The following PVT1 variants were observed in gnomAD, a reference collection of about 807,000 sequenced individuals.
PVT1 encodes the protein CXCR4/PVT1 fusion.
At chr8:127,990,893 C>T (rs547775045) in intron 4 of PVT1, among the ~76,000 whole-genome samples, 2 of 152,252 alleles carry the variant, frequency 1.3e-5, no homozygotes, top group South Asian at 4.2e-4. Context: ...CGGGAGGCTT[C>T]CTGGAGCAGG....
intron 2 of PVT1, among the ~76,000 whole-genome samples, chr8:127,826,680 T>C (rs985655146): frequency 3.3e-5 from 5 of 152,236 alleles, no homozygotes; most frequent in Non-Finnish European, 7.3e-5. Flanking sequence ...AAAATGGTCA[T>C]AGTGGCTGTT....
chr8:127,812,290 G>GGCAGGAAGGC (rs778096722), intron 2 of PVT1, among the ~76,000 whole-genome samples: 6 of 145,106 alleles, frequency 4.1e-5, no homozygotes, highest in East Asian at 2.0e-4. Flanking sequence ...AAGGAAGGAA[G>GGCAGGAAGGC]AGAATGAAAG....
At chr8:127,822,760 A>G (rs1337643355) in intron 2 of PVT1, among the ~76,000 whole-genome samples, 2 of 152,194 alleles carry the variant, frequency 1.3e-5, no homozygotes, top group African/African-American at 4.8e-5. Flanking sequence ...AACAGCACCT[A>G]CAGGGCTGAG....
In PVT1 at chr8:127,999,231, C is replaced by G. The variant is rs536652796; in HGVS notation, n.912+9940C>G. ...GATGTGCTGACCCCTGTGATTCCCCCAAATGTGGGAGACTTGACTGCATAA... is the reference window on the plus strand; with the variant it reads ...GATGTGCTGACCCCTGTGATTCCCCGAAATGTGGGAGACTTGACTGCATAA... On this transcript the variant is annotated intron_variant and non_coding_transcript_variant, in intron 4 of 10. Transcript: ENST00000651587. The G allele has an allele frequency of 2.0e-5, 3 of 152,218 alleles. No individual in the cohort carries two copies. The East Asian group carries it at 5.8e-4, about 29-fold the overall frequency. 9.4% of individuals were successfully genotyped at this position (152,218 alleles called of 1,614,324 possible).
chr8:128,092,000 A>AG (rs1226736656), intron 5 of PVT1, among the ~76,000 whole-genome samples: 6 of 152,180 alleles, frequency 3.9e-5, no homozygotes, highest in Non-Finnish European at 8.8e-5. Flanking sequence ...GAAGCCTAAC[A>AG]GGTCAACAAC....
intron 4 of PVT1, among the ~76,000 whole-genome samples, chr8:128,003,648 T>A (rs1266104835): frequency 6.6e-6 from 1 of 152,262 alleles, no homozygotes; most frequent in African/African-American, 2.4e-5. Context: ...ATTTCTTTTT[T>A]ATAAAATGTC....
chr8:127,970,081 A>AC (rs1244574182), intron 3 of PVT1, among the ~76,000 whole-genome samples: 1 of 151,876 alleles, frequency 6.6e-6, no homozygotes, highest in Non-Finnish European at 1.5e-5. Flanking sequence ...AGTATGCCCA[A>AC]CCCCCCTTTG....
intron 2 of PVT1, among the ~76,000 whole-genome samples, chr8:127,804,478 T>C (rs547966289): frequency 6.6e-6 from 1 of 151,854 alleles, no homozygotes; most frequent in South Asian, 2.1e-4. Context: ...GGCTGTGGTT[T>C]TTTATTTTTT....
In PVT1 at chr8:128,049,367, G is replaced by A. The variant is rs2720661; in HGVS notation, n.913-20793G>A. ...TGATGACGCATGCCCAGCTTTGCGC[G>A]GAGGCAGAGCACTTGCCTGTGTGGG... On this transcript the variant is annotated intron_variant and non_coding_transcript_variant, in intron 4 of 10. Coordinates refer to ENST00000651587, the Ensembl canonical transcript of PVT1. 242 of 337,936 alleles carry A rather than the reference G, an allele frequency of 7.2e-4. 2 individuals carry two copies. The East Asian group carries it at 0.02, about 28-fold the overall frequency. 20.9% of individuals were successfully genotyped at this position (337,936 alleles called of 1,614,324 possible).
At chr8:127,953,592 C>A (rs918194502) in intron 3 of PVT1, among the ~76,000 whole-genome samples, 3 of 152,206 alleles carry the variant, frequency 2.0e-5, no homozygotes, top group Non-Finnish European at 4.4e-5. Context: ...ACACCCCTCC[C>A]AAATTAACCA....
At chr8:127,841,480 G>T (rs1048784276) in intron 2 of PVT1, among the ~76,000 whole-genome samples, 2 of 152,050 alleles carry the variant, frequency 1.3e-5, no homozygotes, top group Non-Finnish European at 2.9e-5. Context: ...TGCCATGTTG[G>T]CCAGTCTGGT....
At chr8:127,952,999 C>T (rs182847955) in intron 3 of PVT1, among the ~76,000 whole-genome samples, 12 of 152,206 alleles carry the variant, frequency 7.9e-5, no homozygotes, top group South Asian at 2.1e-4. Flanking sequence ...CTCCTGCCCT[C>T]GTGATCCGCC....
At chr8:127,808,912 C>A (rs1348374556) in intron 2 of PVT1, among the ~76,000 whole-genome samples, 1 of 150,850 alleles carries the variant, frequency 6.6e-6, no homozygotes, top group Non-Finnish European at 1.5e-5. Flanking sequence ...TGCCTGTAAT[C>A]CGAGCTACTT....
chr8:127,887,672 C>T (rs1465199855), intron 2 of PVT1, among the ~76,000 whole-genome samples: 4 of 152,044 alleles, frequency 2.6e-5, no homozygotes, highest in African/African-American at 9.7e-5. Context: ...ATTACAGGCA[C>T]CTGCCACCAC....
intron 2 of PVT1, among the ~76,000 whole-genome samples, chr8:127,830,458 T>C (rs1276488209): frequency 1.3e-5 from 2 of 150,516 alleles, no homozygotes. Context: ...GAGAGTGATG[T>C]GGCCTGTGTC....
At chr8:127,974,379 CA>C (rs377073960) in intron 3 of PVT1, among the ~76,000 whole-genome samples, 4 of 151,864 alleles carry the variant, frequency 2.6e-5, no homozygotes, top group South Asian at 2.1e-4. Context: ...GAAGTTTTCC[CA>C]AAAAAAGTCA....
intron 4 of PVT1, among the ~76,000 whole-genome samples, chr8:128,012,121 A>G (rs1032338641): frequency 1.3e-5 from 2 of 152,200 alleles, no homozygotes; most frequent in Admixed American, 1.3e-4. Context: ...CCCATGATTT[A>G]TATCAAAACA....
intron 3 of PVT1, among the ~76,000 whole-genome samples, chr8:127,910,546 C>G (rs1374581034): frequency 1.3e-5 from 2 of 152,174 alleles, no homozygotes; most frequent in African/African-American, 4.8e-5. Flanking sequence ...ATTGATAACT[C>G]ATGAAGAACC....
chr8:128,067,933 C>A (rs1032126683), intron 4 of PVT1, among the ~76,000 whole-genome samples: 2 of 146,246 alleles, frequency 1.4e-5, no homozygotes, highest in African/African-American at 5.0e-5. Context: ...TTTTTCTATT[C>A]TTGGACTAAC....
Sources: gnomAD v4.1 joint callset for allele counts (sites outside exome capture counted in the v4.1 genomes callset) on GRCh38, gnomAD v4.1.1 for gene constraint, MANE v1.5 for transcripts, NCBI Gene and HGNC (gene_info 2026-07-23, HGNC 2026-07-21) for gene names.